Variants in SGK2 observed in about 807,000 individuals in gnomAD.
SGK2 encodes serine/threonine-protein kinase Sgk2.
A neutral mutation model predicts 47.5 loss-of-function variants in SGK2; 36 were observed. The observed-to-expected ratio is 0.76, with a 90% CI of 0.58 to 1.00. The LOEUF is 1.00. Among genes scored for constraint, SGK2 ranks in the 50% least tolerant of loss-of-function variants. The pLI is 0.00. For synonymous variants in SGK2, 157 were observed against 181.9 expected (o/e 0.86, Z 1.10); for missense variants, 404 against 467.4 (o/e 0.86, Z 1.25).
Position 43,570,736 on chromosome 20 carries a change from C to CTGTAAA in SGK2, c.473+7_473+8insTGTAAA. The CTGTAAA allele has an allele frequency of 1.3e-6, 2 of 1,595,612 alleles. No individual in the cohort carries two copies. The highest frequency in any genetic ancestry group is 1.7e-6 in the Non-Finnish European group (2 of 1,164,074). On this transcript the variant is annotated splice_region_variant and intron_variant, in intron 7 of 12. Coordinates refer to ENST00000373100, the MANE Select transcript of SGK2 (RefSeq NM_170693.3). The stretch of plus-strand genomic sequence containing the variant: ...CCCTCAACATCATTTACAGGTGAGG[C>CTGTAAA]CTGCCTGTGGCTCAGAGCCAGGACC...
At chr20:43,567,251 C>T (rs148632245) in intron 3 of SGK2, 134 bp downstream of exon 3, 7,455 of 736,418 alleles carry the variant, frequency 0.01, 51 homozygotes, top group Non-Finnish European at 0.015. Flanking sequence ...GGACCTTTCC[C>T]CAGCTCTATC....
At chr20:43,571,184 G>A (rs1600992521) in intron 8 of SGK2, 124 bp downstream of exon 8, 2 of 1,474,400 alleles carry the variant, frequency 1.4e-6, no homozygotes, top group Non-Finnish European at 1.8e-6. Context: ...CATATAGGTA[G>A]AGGAGGCATT....
chr20:43,574,395 A>G (rs1358576355), intron 9 of SGK2, among the ~76,000 whole-genome samples: 2 of 152,174 alleles, frequency 1.3e-5, no homozygotes, highest in Non-Finnish European at 2.9e-5. Context: ...GATATGCCAC[A>G]TGTACTTTTA....
chr20:43,578,259 C>T (rs920733301), intron 11 of SGK2, among the ~76,000 whole-genome samples: 5 of 151,988 alleles, frequency 3.3e-5, no homozygotes, highest in Non-Finnish European at 7.4e-5. Flanking sequence ...CCAAGGCGGG[C>T]GGATCACCTG....
intron 12 of SGK2, chr20:43,583,515 T>C: frequency 8.7e-7 from 1 of 1,142,998 alleles, no homozygotes; most frequent in Non-Finnish European, 1.1e-6. Context: ...AACTGTGATC[T>C]GTTTGGCTCC....
intron 5 of SGK2, 43 bp from the exon 6 acceptor site, chr20:43,569,341 TG>T: frequency 1.2e-6 from 2 of 1,605,700 alleles, no homozygotes; most frequent in Non-Finnish European, 1.7e-6. Flanking sequence ...TAAAAGAGGC[TG>T]TTGTGGGCTG....
At chr20:43,570,952 C>T in intron 7 of SGK2, 72 bp from the exon 8 acceptor site, 1 of 1,609,034 alleles carries the variant, frequency 6.2e-7, no homozygotes, top group Non-Finnish European at 8.5e-7. Context: ...GGACCACCCC[C>T]CGCCCAGGTC....
At chr20:43,569,538 C>T in intron 6 of SGK2, 22 bp downstream of exon 6, 2 of 1,610,014 alleles carry the variant, frequency 1.2e-6, no homozygotes, top group South Asian at 2.2e-5. Flanking sequence ...CACAGGGAGG[C>T]TTCCCTGGGC....
intron 12 of SGK2, chr20:43,583,532 C>A (rs576553662): frequency 1.0e-6 from 1 of 985,368 alleles, no homozygotes; most frequent in Non-Finnish European, 1.2e-6. Context: ...CTCCATAGCC[C>A]GACTTGCACA....
At position 43,570,619 on chromosome 20, in the gene SGK2, C is replaced by A. The variant is rs1391012567; in HGVS notation, c.363C>A (p.Leu121=). ...GTCACACTCCTCCTCCCCTCCAGCT[C>A]TTCTTCCACCTGCAGCGGGAGCGCC... ...FVLDYVNGGE[L]FFHLQRERRF... is the part of the protein sequence containing the mutation. Residue 121 remains leucine, a splice_region_variant and synonymous_variant, in exon 7 of 13, where the codon CTC becomes CTA. Coordinates refer to ENST00000373100, the MANE Select transcript of SGK2 (RefSeq NM_170693.3). The A allele has an allele frequency of 6.2e-7, 1 of 1,603,424 alleles. No homozygotes were observed. The highest frequency in any genetic ancestry group is 2.2e-5 in the East Asian group (1 of 44,750).
At chr20:43,580,701 G>A (rs547730266) in intron 12 of SGK2, among the ~76,000 whole-genome samples, 3 of 135,694 alleles carry the variant, frequency 2.2e-5, no homozygotes, top group Non-Finnish European at 4.6e-5. Context: ...GCACTCCAGC[G>A]TAGGCAACAG....
intron 12 of SGK2, among the ~76,000 whole-genome samples, chr20:43,582,679 C>T (rs549767435): frequency 4.1e-5 from 6 of 145,774 alleles, no homozygotes; most frequent in East Asian, 2.1e-4. Flanking sequence ...TGAGCCATCG[C>T]GCCTGGCTTT....
chr20:43,567,880 T>A (rs1196495576), intron 4 of SGK2, 36 bp from the exon 5 acceptor site: 6 of 1,604,400 alleles, frequency 3.7e-6, no homozygotes, highest in Non-Finnish European at 5.1e-6. Context: ...AAGTCCAAAG[T>A]CACCTACAGG....
intron 5 of SGK2, among the ~76,000 whole-genome samples, chr20:43,568,578 G>A (rs1979892001): frequency 6.6e-6 from 1 of 152,146 alleles, no homozygotes; most frequent in Admixed American, 6.5e-5. Context: ...CGCCTCCTGA[G>A]TTCAAGTGAT....
chr20:43,576,142 C>A, intron 10 of SGK2, 82 bp from the exon 11 acceptor site: 1 of 1,534,526 alleles, frequency 6.5e-7, no homozygotes, highest in Non-Finnish European at 8.9e-7. Flanking sequence ...ATCCTCCCAG[C>A]CGCCCACCTT....
intron 7 of SGK2, 36 bp downstream of exon 7, chr20:43,570,765 C>G (rs1381080381): frequency 6.7e-7 from 1 of 1,492,146 alleles, no homozygotes; most frequent in African/African-American, 1.4e-5. Context: ...CAGGACCAAG[C>G]CCTTCTTGCT....
At chr20:43,560,655 C>T (rs1979327820) in intron 1 of SGK2, among the ~76,000 whole-genome samples, 1 of 152,160 alleles carries the variant, frequency 6.6e-6, no homozygotes, top group Admixed American at 6.5e-5. Flanking sequence ...CCCTACAACA[C>T]CTACTATTTT....
Position 43,569,445 on chromosome 20 carries a change from G to C in SGK2, c.289G>C (p.Val97Leu), listed in dbSNP as rs149168513. The C allele has an allele frequency of 5.0e-6, 8 of 1,613,868 alleles. No individual in the cohort carries two copies. In the African/African-American group the frequency reaches 1.1e-4, roughly 22 times the overall value. Residue 97 changes from valine to leucine, a missense_variant, in exon 6 of 13, where the codon GTG becomes CTG. By Grantham distance (32) the Val-to-Leu change is conservative. Transcript: ENST00000373100. ...GAAGAACGTGCGGCACCCCTTCCTCGTGGGCCTGCGCTACTCCTTCCAGAC... is the reference window on the plus strand; with the variant it reads ...GAAGAACGTGCGGCACCCCTTCCTCCTGGGCCTGCGCTACTCCTTCCAGAC... ...LLKNVRHPFLVGLRYSFQTPE... is the reference protein window; with the variant it reads ...LLKNVRHPFLLGLRYSFQTPE...
At chr20:43,569,343 T>C (rs202206956) in intron 5 of SGK2, 42 bp from the exon 6 acceptor site, 9 of 1,609,098 alleles carry the variant, frequency 5.6e-6, no homozygotes, top group Middle Eastern at 1.7e-4. Flanking sequence ...AAAGAGGCTG[T>C]TGTGGGCTGT....
Sources: allele counts gnomAD v4.1 joint callset (sites outside exome capture counted in the v4.1 genomes callset), GRCh38; gene constraint gnomAD v4.1.1; transcripts MANE v1.5; gene names NCBI Gene and HGNC (gene_info 2026-07-23, HGNC 2026-07-21).